SLC7A11: variants seen among roughly 807,000 people sequenced by gnomAD.
SLC7A11 encodes cystine/glutamate transporter.
Under a neutral mutation model 54.5 loss-of-function variants are expected in SLC7A11, and 35 were observed. The ratio of observed to expected loss-of-function variants is 0.64; its 90% CI spans 0.49 to 0.85. SLC7A11 has a LOEUF of 0.85. SLC7A11 is among the 40% of genes least tolerant of loss of function. The probability of loss-of-function intolerance (pLI) is 0.00; values close to 1 mark genes in which losing one functional copy is unlikely to be tolerated. For missense variants in SLC7A11, 583 were observed against 618.1 expected, an observed-to-expected ratio of 0.94 and a Z score of 0.60; for synonymous variants, 230 against 225.2, an observed-to-expected ratio of 1.02 and a Z score of -0.19.
Position 138,188,655 on chromosome 4 carries a change from C to T in SLC7A11, c.792-3411G>A, listed in dbSNP as rs149169275. ...GAGCAATCTTTCTGGAGGCTTTAGA[C>T]GCACAGCGCAGATAGCATTACTAGT... On this transcript the variant is annotated intron_variant, in intron 6 of 11. Transcript: ENST00000280612. Among the ~76,000 whole-genome samples, 48 of 152,250 alleles carry T rather than the reference C, an allele frequency of 3.2e-4. No individual in the cohort carries two copies. The South Asian group carries it at 6.4e-3, about 20-fold the overall frequency.
intron 2 of SLC7A11, among the ~76,000 whole-genome samples, chr4:138,233,836 C>T (rs1311100083): frequency 6.6e-6 from 1 of 152,200 alleles, no homozygotes; most frequent in Non-Finnish European, 1.5e-5. Context: ...TAAGCTCTCC[C>T]TACTTCTTCA....
chr4:138,218,066 A>G (rs903582029), intron 5 of SLC7A11, among the ~76,000 whole-genome samples: 2 of 152,204 alleles, frequency 1.3e-5, no homozygotes, highest in African/African-American at 2.4e-5. Flanking sequence ...CTCAAAGGCC[A>G]TGTTAAGATT....
intron 5 of SLC7A11, among the ~76,000 whole-genome samples, chr4:138,217,529 C>T (rs1271219033): frequency 1.3e-5 from 2 of 152,058 alleles, no homozygotes; most frequent in African/African-American, 2.4e-5. Context: ...AAGCAAGTGA[C>T]CTGAATTTTT....
intron 1 of SLC7A11, among the ~76,000 whole-genome samples, chr4:138,238,832 G>A (rs975856296): frequency 6.6e-6 from 1 of 151,902 alleles, no homozygotes; most frequent in African/African-American, 2.4e-5. Flanking sequence ...GGAACTCCTG[G>A]GCTCAAGGGG....
chr4:138,220,435 C>A (rs1226295699), intron 4 of SLC7A11, among the ~76,000 whole-genome samples: 2 of 149,950 alleles, frequency 1.3e-5, no homozygotes, highest in African/African-American at 4.9e-5. Context: ...CACTCTGTGA[C>A]CCTGTCCTAG....
Position 138,242,023 on chromosome 4 carries a change from A to G in SLC7A11, c.47T>C (p.Leu16Pro), listed in dbSNP as rs1412764732. ...CAGCCTCCCGTTAACATTTCCCTGC[A>G]GGTAACCTCCTTTGGAGATGGTGGA... Reference protein sequence around the residue: ...VVSTISKGGYLQGNVNGRLPS... With the variant: ...VVSTISKGGYPQGNVNGRLPS... The change falls in exon 1 of 12, where the codon CTG becomes CCG. Residue 16 changes from leucine (L) to proline (P), a missense_variant. By Grantham distance (98) the Leu-to-Pro change is moderately conservative (BLOSUM62 -3). Transcript: ENST00000280612. 3.1e-6 allele frequency: 5 copies of G among 1,614,114 alleles called. No homozygotes were observed. In the South Asian group the frequency reaches 5.5e-5, roughly 18 times the overall value.
At chr4:138,239,750 C>G (rs571970905) in intron 1 of SLC7A11, among the ~76,000 whole-genome samples, 208 of 152,236 alleles carry the variant, frequency 1.4e-3, no homozygotes, top group Non-Finnish European at 2.5e-3. Context: ...TGCAAGTCAA[C>G]ACACTTTAAC....
intron 6 of SLC7A11, among the ~76,000 whole-genome samples, chr4:138,185,470 T>C (rs1315145747): frequency 6.6e-6 from 1 of 152,182 alleles, no homozygotes; most frequent in Non-Finnish European, 1.5e-5. Flanking sequence ...TCTATTGCTA[T>C]ACCCCAGAAC....
chr4:138,197,170 T>C (rs1449235553), intron 6 of SLC7A11, among the ~76,000 whole-genome samples: 1 of 152,204 alleles, frequency 6.6e-6, no homozygotes, highest in Admixed American at 6.5e-5. Context: ...CTCAGGATTA[T>C]ATATCCAACT....
At chr4:138,185,433 A>G (rs2148415438) in intron 6 of SLC7A11, among the ~76,000 whole-genome samples, 189 bp from the exon 7 acceptor site, 1 of 152,292 alleles carries the variant, frequency 6.6e-6, no homozygotes, top group South Asian at 2.1e-4. Context: ...AATAAGGTCC[A>G]TGGGGGCAGA....
chr4:138,188,617 T>G (rs1448364737), intron 6 of SLC7A11, among the ~76,000 whole-genome samples: 4 of 152,168 alleles, frequency 2.6e-5, no homozygotes, highest in Admixed American at 1.3e-4. Context: ...ATAAAAGCTA[T>G]TAGGCCATGC....
chr4:138,179,484 T>G, intron 10 of SLC7A11, 90 bp from the exon 11 acceptor site: 1 of 1,088,246 alleles, frequency 9.2e-7, no homozygotes, highest in South Asian at 1.5e-5. Context: ...TGACATATAC[T>G]TTAGTGATAT....
At chr4:138,226,912 T>C (rs977757093) in intron 3 of SLC7A11, among the ~76,000 whole-genome samples, 10 of 152,156 alleles carry the variant, frequency 6.6e-5, no homozygotes, top group African/African-American at 1.2e-4. Context: ...AAAATAAAAA[T>C]ACAGGGACAT....
chr4:138,238,401 G>T (rs1738292890), intron 1 of SLC7A11, among the ~76,000 whole-genome samples: 1 of 152,152 alleles, frequency 6.6e-6, no homozygotes, highest in South Asian at 2.1e-4. Flanking sequence ...ACTGCCAAGT[G>T]CTCAAATGTA....
chr4:138,198,666 G>A (rs1737199153), intron 6 of SLC7A11, among the ~76,000 whole-genome samples: 1 of 152,098 alleles, frequency 6.6e-6, no homozygotes, highest in Non-Finnish European at 1.5e-5. Flanking sequence ...CTTTGACACA[G>A]CAATTCTCTT....
Position 138,241,815 on chromosome 4 carries a change from C to T in SLC7A11, c.255G>A (p.Val85=), listed in dbSNP as rs141635291. The change falls in exon 1 of 12, where the codon GTG becomes GTA. Residue 85 remains valine, a synonymous_variant. Coordinates refer to ENST00000280612, the MANE Select transcript of SLC7A11 (RefSeq NM_014331.4). ...SVGMSLTIWT[V]CGVLSLFGAL... ...CACCAAATAGTGACAGGACCCCACACACCGTCCAGATGGTCAGAGACATGC... is the reference window on the plus strand; with the variant it reads ...CACCAAATAGTGACAGGACCCCACATACCGTCCAGATGGTCAGAGACATGC... The T allele has an allele frequency of 3.1e-3, 5,060 of 1,614,020 alleles. 17 individuals carry two copies. Among genetic ancestry groups the T allele is most frequent in the Middle Eastern group, 5.5e-3 (33 of 6,042 alleles).
chr4:138,222,720 C>T (rs892477314), intron 4 of SLC7A11, among the ~76,000 whole-genome samples: 4 of 152,068 alleles, frequency 2.6e-5, no homozygotes, highest in Non-Finnish European at 5.9e-5. Context: ...ATGCTGTTCC[C>T]GTATTGACTC....
chr4:138,211,018 G>A (rs1363793781), intron 6 of SLC7A11, among the ~76,000 whole-genome samples: 1 of 151,986 alleles, frequency 6.6e-6, no homozygotes, highest in Non-Finnish European at 1.5e-5. Flanking sequence ...AAAGTGGGTT[G>A]GATAAAGAAA....
chr4:138,194,764 A>G (rs1360325600), intron 6 of SLC7A11, among the ~76,000 whole-genome samples: 5 of 152,194 alleles, frequency 3.3e-5, no homozygotes, highest in African/African-American at 1.2e-4. Context: ...AGAAACACAG[A>G]TTACCAAATC....
Sources: gnomAD v4.1 joint callset for allele counts (sites outside exome capture counted in the v4.1 genomes callset) on GRCh38, gnomAD v4.1.1 for gene constraint, MANE v1.5 for transcripts, NCBI Gene and HGNC (gene_info 2026-07-23, HGNC 2026-07-21) for gene names.